Variants in SLC4A4 observed in about 807,000 individuals in gnomAD.
The protein encoded by SLC4A4 is electrogenic sodium bicarbonate cotransporter 1.
Under a neutral mutation model 111.5 loss-of-function variants are expected in SLC4A4, and 27 were observed. The observed-to-expected ratio is 0.24, with a 90% CI of 0.18 to 0.33. The LOEUF (loss-of-function observed/expected upper bound fraction) is 0.33. SLC4A4 is among the 10% of genes least tolerant of loss of function. The pLI is 1.00. For synonymous variants in SLC4A4, 443 were observed against 463.4 expected (o/e 0.96, Z 0.57); for missense variants, 909 against 1,315.5 (o/e 0.69, Z 4.78).
intron 1 of SLC4A4, among the ~76,000 whole-genome samples, chr4:71,078,778 C>G (rs1218985453): frequency 6.6e-6 from 1 of 151,926 alleles, no homozygotes; most frequent in Non-Finnish European, 1.5e-5. Flanking sequence ...GAGAATAAAG[C>G]ATTGCTGCTT....
chr4:71,533,202 G>T (rs1028044687), intron 17 of SLC4A4, among the ~76,000 whole-genome samples: 7 of 152,088 alleles, frequency 4.6e-5, no homozygotes, highest in African/African-American at 1.7e-4. Flanking sequence ...ATATTCATTA[G>T]TAAAGATAAG....
chr4:71,064,209 GC>G lies in SLC4A4; in HGVS notation c.-65+1423del, dbSNP rs367862149. Among the ~76,000 whole-genome samples the G allele has an allele frequency of 1.9e-3, 284 of 152,310 alleles. 1 individual carries two copies. Among genetic ancestry groups the G allele is most frequent in the African/African-American group, 6.6e-3 (276 of 41,568 alleles). On this transcript the variant is annotated intron_variant, in intron 1 of 26. Coordinates refer to the SLC4A4 transcript ENST00000649996. The stretch of plus-strand genomic sequence containing the variant: ...CCAGACCTGGATTTACTGTATCCTG[GC>G]CTTGAGCAAGTAATTCAGCTTTTCT...
intron 2 of SLC4A4, among the ~76,000 whole-genome samples, chr4:71,115,160 G>A (rs1285318136): frequency 6.9e-6 from 1 of 145,334 alleles, no homozygotes; most frequent in Non-Finnish European, 1.5e-5. Context: ...CACAGGAAGG[G>A]GAACATCACA....
intron 7 of SLC4A4, among the ~76,000 whole-genome samples, chr4:71,411,085 A>G (rs1039926036): frequency 1.3e-5 from 2 of 152,162 alleles, no homozygotes; most frequent in Non-Finnish European, 2.9e-5. Flanking sequence ...TGCCTTTATG[A>G]TAAAGCCCAG....
intron 6 of SLC4A4, among the ~76,000 whole-genome samples, chr4:71,376,697 G>T (rs1732436460): frequency 6.6e-6 from 1 of 151,346 alleles, no homozygotes; most frequent in East Asian, 1.9e-4. Context: ...GAGTGCAGTG[G>T]TGCGATCTGT....
intron 3 of SLC4A4, among the ~76,000 whole-genome samples, chr4:71,296,787 A>G (rs2148833442): frequency 6.6e-6 from 1 of 152,322 alleles, no homozygotes; most frequent in South Asian, 2.1e-4. Flanking sequence ...TTTTCAAGTT[A>G]AAAGTATTCT....
intron 16 of SLC4A4, among the ~76,000 whole-genome samples, chr4:71,503,112 A>G (rs1362116043): frequency 2.6e-5 from 4 of 152,054 alleles, no homozygotes; most frequent in Non-Finnish European, 2.9e-5. Flanking sequence ...CGACTTAAGT[A>G]TATTTTATAT....
At chr4:71,248,192 G>A (rs1720814863) in intron 2 of SLC4A4, among the ~76,000 whole-genome samples, 1 of 152,072 alleles carries the variant, frequency 6.6e-6, no homozygotes, top group Admixed American at 6.6e-5. Flanking sequence ...GTGTTCACAA[G>A]TTAGTTATTA....
intron 1 of SLC4A4, among the ~76,000 whole-genome samples, chr4:71,203,805 G>T (rs915445206): frequency 6.6e-6 from 1 of 152,116 alleles, no homozygotes; most frequent in African/African-American, 2.4e-5. Flanking sequence ...AATGTAATGC[G>T]GTCAGGGACA....
rs1331530991 is a variant in SLC4A4, at chr4:71,071,211, A to G, written c.-65+8423A>G. Among the ~76,000 whole-genome samples the G allele has an allele frequency of 2.0e-5, 3 of 150,684 alleles. No homozygotes were observed. The Admixed American group carries it at 2.0e-4, about 10-fold the overall frequency. ...CTTGAACCCAGGAGGTGAAGGTTGC[A>G]GTGAGCCGAGATCACACCACTGCTC... On this transcript the variant is annotated intron_variant, in intron 1 of 26. Coordinates refer to the SLC4A4 transcript ENST00000649996.
intron 3 of SLC4A4, among the ~76,000 whole-genome samples, chr4:71,289,471 A>C (rs528237497): frequency 6.6e-6 from 1 of 152,238 alleles, no homozygotes; most frequent in African/African-American, 2.4e-5. Flanking sequence ...CTAAAATGTT[A>C]TTATGCAAGA....
chr4:71,526,163 T>C (rs576296634), intron 16 of SLC4A4, among the ~76,000 whole-genome samples: 1 of 152,210 alleles, frequency 6.6e-6, no homozygotes, highest in East Asian at 1.9e-4. Flanking sequence ...CTGTCTTCTC[T>C]AATTAGGGGA....
intron 2 of SLC4A4, among the ~76,000 whole-genome samples, chr4:71,248,103 C>T (rs892261947): frequency 1.3e-5 from 2 of 151,992 alleles, no homozygotes; most frequent in African/African-American, 2.4e-5. Context: ...CTAAAACTGC[C>T]GATTAAGGGA....
At chr4:71,444,183 A>G (rs1725020667) in intron 8 of SLC4A4, among the ~76,000 whole-genome samples, 1 of 152,192 alleles carries the variant, frequency 6.6e-6, no homozygotes, top group Non-Finnish European at 1.5e-5. Flanking sequence ...TAGGAAGGCT[A>G]GCTCCTTTTC....
At chr4:71,263,171 T>C (rs1019925241) in intron 3 of SLC4A4, among the ~76,000 whole-genome samples, 1 of 152,072 alleles carries the variant, frequency 6.6e-6, no homozygotes, top group Non-Finnish European at 1.5e-5. Flanking sequence ...AAAGCAACAA[T>C]GTAACAAAGT....
At chr4:71,141,568 T>C (rs1193310494) in intron 2 of SLC4A4, among the ~76,000 whole-genome samples, 1 of 152,184 alleles carries the variant, frequency 6.6e-6, no homozygotes, top group Non-Finnish European at 1.5e-5. Flanking sequence ...CTCACTTCAC[T>C]TGGGTCTCAG....
chr4:71,308,254 A>G (rs1725847434), intron 3 of SLC4A4, among the ~76,000 whole-genome samples: 2 of 152,180 alleles, frequency 1.3e-5, no homozygotes, highest in South Asian at 4.1e-4. Context: ...TAGGGGCTCA[A>G]TATACATAGT....
rs796456055 is a variant in SLC4A4 at position 71,567,805 on chromosome 4, TA to T, written c.*58del. On this transcript the variant is annotated 3_prime_UTR_variant, in exon 26 of 26. Transcript: ENST00000264485. The stretch of plus-strand genomic sequence containing the variant: ...TTCTCTAGTCCTCCTAGAACTCCAG[TA>T]AAAGTTGTGCCTCAAATTAGAATAG... 4.1e-3 allele frequency: 6,227 copies of T among 1,530,956 alleles called. 229 individuals carry two copies. The African/African-American group carries it at 0.077, about 19-fold the overall frequency. The allele number at this position is 1,530,956 out of a possible 1,614,324, so 94.8% of individuals were successfully genotyped here. A position where few individuals can be genotyped will look rare whatever the true frequency, so the allele number is the denominator to read the frequency against.
intron 1 of SLC4A4, among the ~76,000 whole-genome samples, chr4:71,091,383 G>A (rs933153199): frequency 6.6e-6 from 1 of 151,868 alleles, no homozygotes; most frequent in African/African-American, 2.4e-5. Context: ...CTCCCGAGTA[G>A]CTGGGACTAC....
Sources: allele counts gnomAD v4.1 joint callset (sites outside exome capture counted in the v4.1 genomes callset), GRCh38; gene constraint gnomAD v4.1.1; transcripts MANE v1.5; gene names NCBI Gene and HGNC (gene_info 2026-07-23, HGNC 2026-07-21).